Variants in ANKRD23 observed in about 807,000 individuals in gnomAD.
ANKRD23 encodes ankyrin repeat domain-containing protein 23.
A neutral mutation model predicts 38.1 loss-of-function variants in ANKRD23; 52 were observed. The ratio of observed to expected loss-of-function variants is 1.36; its 90% CI spans 1.09 to 1.72. The LOEUF is 1.72. Ranked by LOEUF, ANKRD23 falls within the 40% of genes most tolerant of loss-of-function variation. The pLI, the probability that ANKRD23 is intolerant of heterozygous loss-of-function variation, is 0.00. For synonymous variants in ANKRD23, 167 were observed against 162.9 expected (o/e 1.03, Z -0.19); for missense variants, 416 against 400.2 (o/e 1.04, Z -0.34).
chr2:96,843,868 C>G (rs1348632805), intron 1 of ANKRD23, 98 bp downstream of exon 1: 1 of 1,224,086 alleles, frequency 8.2e-7, no homozygotes, highest in Non-Finnish European at 1.2e-6. Context: ...TAAGACTTGA[C>G]CCTCACACCA....
Position 96,838,388 on chromosome 2 carries a change from T to G in ANKRD23, c.*1161A>C, listed in dbSNP as rs935698501. The G allele has an allele frequency of 1.0e-6, 1 of 987,886 alleles. No individual in the cohort carries two copies. The highest frequency in any genetic ancestry group is 1.1e-4 in the East Asian group (1 of 8,808). The allele number at this position is 987,886 out of a possible 1,614,324, so 61.2% of individuals were successfully genotyped here. ...CACCAGCAGTACAGGCCTACACCAG[T>G]GTAATTTGAAACGTACAGACGGTGG... On this transcript the variant is annotated 3_prime_UTR_variant, in exon 9 of 9. Coordinates refer to ENST00000318357, the MANE Select transcript of ANKRD23 (RefSeq NM_144994.8).
At position 96,838,271 on chromosome 2, in the gene ANKRD23, C is replaced by T. The variant is rs544270356; in HGVS notation, c.*1278G>A. 2.8e-5 allele frequency: 24 copies of T among 846,244 alleles called. No individual in the cohort carries two copies. Among genetic ancestry groups the T allele is most frequent in the Admixed American group, 6.2e-5 (1 of 16,078 alleles). The allele number at this position is 846,244 out of a possible 1,614,324, so 52.4% of individuals were successfully genotyped here. ...CAGGACCCATGTGAGGGAGGCTGAGCCTTCACCTTTCAGCCCTTCCCTCAG... is the reference window on the plus strand; with the variant it reads ...CAGGACCCATGTGAGGGAGGCTGAGTCTTCACCTTTCAGCCCTTCCCTCAG... On this transcript the variant is annotated 3_prime_UTR_variant, in exon 9 of 9. Coordinates refer to ENST00000318357, the MANE Select transcript of ANKRD23 (RefSeq NM_144994.8).
chr2:96,842,484 C>T lies in ANKRD23; in HGVS notation c.55G>A (p.Val19Met), dbSNP rs544635289. ...LVSGERVEGK[V>M]LGFGHGVPDP... ...GGAACTCCATGTCCAAATCCCAACACTTTCCCTTCAACTCTTTCTCCACTT... is the reference window on the plus strand; with the variant it reads ...GGAACTCCATGTCCAAATCCCAACATTTTCCCTTCAACTCTTTCTCCACTT... Residue 19 changes from valine (V) to methionine (M), a missense_variant, in exon 2 of 9, where the codon GTG (valine) becomes ATG (methionine). Transcript: ENST00000318357. 15 of 1,614,120 alleles carry T rather than the reference C, an allele frequency of 9.3e-6. 1 individual carries two copies. The South Asian group carries it at 1.5e-4, about 17-fold the overall frequency.
In ANKRD23 at chr2:96,842,511, C is replaced by T; in HGVS notation, c.28G>A (p.Val10Ile). 2 of 1,612,794 alleles carry T rather than the reference C, an allele frequency of 1.2e-6. No individual in the cohort carries two copies. The highest frequency in any genetic ancestry group is 1.7e-6 in the Non-Finnish European group (2 of 1,179,472). Residue 10 changes from valine to isoleucine, a missense_variant and splice_region_variant, in exon 2 of 9, where the codon GTA becomes ATA. Coordinates refer to ENST00000318357, the MANE Select transcript of ANKRD23 (RefSeq NM_144994.8). Reference sequence around the variant, plus strand: ...TTCCCTTCAACTCTTTCTCCACTTACCTGTAGGAACAGGATATGAGTACTG... The same window carrying T: ...TTCCCTTCAACTCTTTCTCCACTTATCTGTAGGAACAGGATATGAGTACTG... MDFISIQQL[V>I]SGERVEGKVL...
chr2:96,840,466 G>A lies in ANKRD23; in HGVS notation c.475C>T (p.Leu159=), dbSNP rs1192715757. The change falls in exon 5 of 9, where the codon CTG becomes TTG. Residue 159 remains leucine, a synonymous_variant. Coordinates refer to ENST00000318357, the MANE Select transcript of ANKRD23 (RefSeq NM_144994.8). ...HWACLKGHSQ[L]VNKLLVAGAT... The stretch of plus-strand genomic sequence containing the variant: ...CCTGCCACCAGCAGCTTGTTCACCA[G>A]CTGGCTGTGACCCTTCAGACAGGCC... The A allele has an allele frequency of 5.0e-6, 8 of 1,614,002 alleles. No individual in the cohort carries two copies. Among genetic ancestry groups the A allele is most frequent in the Non-Finnish European group, 5.9e-6 (7 of 1,180,040 alleles).
At chr2:96,843,784 G>A (rs2079786095) in intron 1 of ANKRD23, among the ~76,000 whole-genome samples, 182 bp downstream of exon 1, 1 of 152,178 alleles carries the variant, frequency 6.6e-6, no homozygotes, top group East Asian at 1.9e-4. Flanking sequence ...TTCAAGGCCA[G>A]GCTGGGCAAC....
rs2079723186 is a variant in ANKRD23, at chr2:96,838,845, C to T, written c.*704G>A. On this transcript the variant is annotated 3_prime_UTR_variant, in exon 9 of 9. Coordinates refer to ENST00000318357, the MANE Select transcript of ANKRD23 (RefSeq NM_144994.8). ...TCAGTCTTAGGGCTTCTGAGGCAACCTAGTGGGTCCTGGACTTCTGTTGCT... is the reference window on the plus strand; with the variant it reads ...TCAGTCTTAGGGCTTCTGAGGCAACTTAGTGGGTCCTGGACTTCTGTTGCT... 1 of 985,524 alleles carries T rather than the reference C, an allele frequency of 1.0e-6. No homozygotes were observed. The highest frequency in any genetic ancestry group is 6.1e-5 in the Admixed American group (1 of 16,292). The allele number at this position is 985,524 out of a possible 1,614,324, so 61.0% of individuals were successfully genotyped here.
Position 96,840,881 on chromosome 2 carries a change from C to G in ANKRD23, c.332G>C (p.Gly111Ala). 1 of 1,614,178 alleles carries G rather than the reference C, an allele frequency of 6.2e-7. No homozygotes were observed. ...AGCTGCCTTCAGGAACATCTCCAGG[C>G]CCACAGGCTCCACCTGGGCCTGGGA... ...PQSQAQVEPVGLEMFLKAAAE... is the reference protein window; with the variant it reads ...PQSQAQVEPVALEMFLKAAAE... The change falls in exon 4 of 9, where the codon GGC becomes GCC. Residue 111 changes from glycine (G) to alanine (A), a missense_variant. Coordinates refer to ENST00000318357, the MANE Select transcript of ANKRD23 (RefSeq NM_144994.8).
intron 3 of ANKRD23, chr2:96,841,281 A>G (rs1266701378): frequency 1.5e-5 from 3 of 197,740 alleles, no homozygotes; most frequent in South Asian, 1.9e-4. Context: ...CTCTAATCCA[A>G]TGTGACTGAT....
chr2:96,843,960 C>A lies in ANKRD23; in HGVS notation c.27+6G>T. 1 of 1,608,310 alleles carries A rather than the reference C, an allele frequency of 6.2e-7. No homozygotes were observed. Among genetic ancestry groups the A allele is most frequent in the Non-Finnish European group, 8.5e-7 (1 of 1,177,610 alleles). Reference sequence around the variant, plus strand: ...GGTGCCTCCCACCTCCGTCCCACATCCTTACCAACTGCTGAATGCTGATGA... The same window carrying A: ...GGTGCCTCCCACCTCCGTCCCACATACTTACCAACTGCTGAATGCTGATGA... On this transcript the variant is annotated splice_donor_region_variant and intron_variant, in intron 1 of 8. Coordinates refer to ENST00000318357, the MANE Select transcript of ANKRD23 (RefSeq NM_144994.8).
At position 96,840,009 on chromosome 2, in the gene ANKRD23, G is replaced by C; in HGVS notation, c.711C>G (p.Asn237Lys). 6.4e-7 allele frequency: 1 copy of C among 1,556,538 alleles called. No individual in the cohort carries two copies. Among genetic ancestry groups the C allele is most frequent in the Non-Finnish European group, 8.7e-7 (1 of 1,149,436 alleles). ...GCGCCTGCCTTACCTTATCCTGTGC[G>C]TTCAGGTGGGCGCCACACTCGATGA... The part of the protein sequence containing the change: ...EHLIECGAHL[N>K]AQDKEGDTAL... Residue 237 changes from asparagine to lysine, a missense_variant, in exon 7 of 9, where the codon AAC becomes AAG. By Grantham distance (94) the Asn-to-Lys change is moderately conservative. Coordinates refer to ENST00000318357, the MANE Select transcript of ANKRD23 (RefSeq NM_144994.8).
Position 96,839,477 on chromosome 2 carries a change from T to TGC in ANKRD23, c.*70_*71dup, listed in dbSNP as rs967267933. 235 of 1,391,470 alleles carry TGC rather than the reference T, an allele frequency of 1.7e-4. No homozygotes were observed. The highest frequency in any genetic ancestry group is 2.1e-4 in the Non-Finnish European group (226 of 1,078,418). The allele number at this position is 1,391,470 out of a possible 1,614,324, so 86.2% of individuals were successfully genotyped here. On this transcript the variant is annotated 3_prime_UTR_variant, in exon 9 of 9. Transcript: ENST00000318357. ...GGGCTGAGGGCAGGAACCACAGAGG[T>TGC]GCAGACGCGGGGGCGGGGCACAGGA...
At chr2:96,843,692 C>T (rs921966716) in intron 1 of ANKRD23, among the ~76,000 whole-genome samples, 12 of 152,162 alleles carry the variant, frequency 7.9e-5, no homozygotes, top group Admixed American at 4.6e-4. Context: ...AAGAACCGCA[C>T]GCTCAGCCGG....
At chr2:96,840,679 C>A in intron 4 of ANKRD23, 108 bp downstream of exon 4, 1 of 1,550,610 alleles carries the variant, frequency 6.4e-7, no homozygotes, top group Non-Finnish European at 8.8e-7. Flanking sequence ...GATTCATGCC[C>A]ATAAGAGTGA....
chr2:96,838,361 C>T lies in ANKRD23; in HGVS notation c.*1188G>A, dbSNP rs528198099. On this transcript the variant is annotated 3_prime_UTR_variant, in exon 9 of 9. Transcript: ENST00000318357. ...ACTTTCTGGCGTTTAGGGGCCCAGC[C>T]CCACCAGCAGTACAGGCCTACACCA... is the stretch of plus-strand genomic sequence containing the variant. 1.0e-6 allele frequency: 1 copy of T among 988,150 alleles called. No homozygotes were observed. Among genetic ancestry groups the T allele is most frequent in the Non-Finnish European group, 1.2e-6 (1 of 830,168 alleles). The allele number at this position is 988,150 out of a possible 1,614,324, so 61.2% of individuals were successfully genotyped here.
intron 3 of ANKRD23, 81 bp downstream of exon 3, chr2:96,841,979 A>G (rs1050862084): frequency 1.9e-6 from 3 of 1,591,408 alleles, no homozygotes; most frequent in Non-Finnish European, 2.6e-6. Flanking sequence ...CCTGGCCTGC[A>G]GTGCCCACTC....
In ANKRD23 at chr2:96,840,458, G is replaced by A; in HGVS notation, c.483C>T (p.Asn161=). The A allele has an allele frequency of 6.2e-7, 1 of 1,614,126 alleles. No homozygotes were observed. The highest frequency in any genetic ancestry group is 8.5e-7 in the Non-Finnish European group (1 of 1,180,030). The change falls in exon 5 of 9, where the codon AAC becomes AAT. Residue 161 remains asparagine, a synonymous_variant. Transcript: ENST00000318357. ...CTGTGGCACCTGCCACCAGCAGCTT[G>A]TTCACCAGCTGGCTGTGACCCTTCA... The part of the protein sequence containing the change: ...ACLKGHSQLV[N]KLLVAGATVD...
chr2:96,840,935 C>T, intron 3 of ANKRD23, 23 bp from the exon 4 acceptor site: 3 of 1,611,874 alleles, frequency 1.9e-6, no homozygotes, highest in Non-Finnish European at 2.5e-6. Context: ...AAGACAAGAC[C>T]AAATCACTCC....
chr2:96,839,863 G>A (rs755612425), intron 7 of ANKRD23, 38 bp from the exon 8 acceptor site: 1 of 1,588,844 alleles, frequency 6.3e-7, no homozygotes, highest in South Asian at 1.1e-5. Context: ...CTGCCTCCGC[G>A]TGCTGCCCTC....
Sources: allele counts gnomAD v4.1 joint callset (sites outside exome capture counted in the v4.1 genomes callset), GRCh38; gene constraint gnomAD v4.1.1; transcripts MANE v1.5; gene names NCBI Gene and HGNC (gene_info 2026-07-23, HGNC 2026-07-21).